Variants in HMGA2 observed in about 807,000 individuals in gnomAD.
The protein encoded by HMGA2 is high mobility group AT-hook 2.
In HMGA2, 8 loss-of-function variants were observed where a neutral mutation model predicts 19.1. That is an observed-to-expected ratio of 0.42 (90% CI 0.25 to 0.76). The LOEUF is 0.76. Among genes scored for constraint, HMGA2 ranks in the 30% least tolerant of loss-of-function variants. HMGA2 has a pLI of 0.28. For synonymous variants in HMGA2, 60 were observed against 48.8 expected, an observed-to-expected ratio of 1.23 and a Z score of -0.96; for missense variants, 109 against 136.3, an observed-to-expected ratio of 0.80 and a Z score of 1.00.
chr12:65,897,615 T>C (rs747361173), intron 3 of HMGA2, among the ~76,000 whole-genome samples: 1 of 152,176 alleles, frequency 6.6e-6, no homozygotes, highest in South Asian at 2.1e-4. Context: ...TCAAAAGGAA[T>C]GTTAGGTTAA....
rs1870070312 is a variant in HMGA2 at position 65,825,014 on chromosome 12, G to A, written c.-257G>A. The A allele has an allele frequency of 4.9e-5, 19 of 388,006 alleles. No homozygotes were observed. The highest frequency in any genetic ancestry group is 1.9e-4 in the South Asian group (4 of 20,584). The allele number at this position is 388,006 out of a possible 1,614,324, so 24.0% of individuals were successfully genotyped here. ...CCTCCACCTCCGGCACCCACCCACC[G>A]CCGCCGCCGCCACCGGCAGCGCCTC... On this transcript the variant is annotated 5_prime_UTR_variant, in exon 1 of 5. Coordinates refer to ENST00000403681, the MANE Select transcript of HMGA2 (RefSeq NM_003483.6). The surrounding 1 kb of genome is among the most constrained non-coding windows in gnomAD (Gnocchi z 4.4).
intron 3 of HMGA2, chr12:65,843,587 C>T (rs939508901): frequency 5.7e-6 from 1 of 174,964 alleles, no homozygotes; most frequent in African/African-American, 2.4e-5. Context: ...CATTGAAGAA[C>T]CCGGAAATCT....
At chr12:65,862,363 TCAGTAC>T (rs988749377) in intron 3 of HMGA2, among the ~76,000 whole-genome samples, 3 of 151,414 alleles carry the variant, frequency 2.0e-5, no homozygotes, top group Admixed American at 6.6e-5. Flanking sequence ...TGTCCCACAA[TCAGTAC>T]CACCACCACT....
chr12:65,888,922 T>G (rs1873788764), intron 3 of HMGA2, among the ~76,000 whole-genome samples: 1 of 151,926 alleles, frequency 6.6e-6, no homozygotes, highest in South Asian at 2.1e-4. Context: ...CACCCTCCCG[T>G]TAGAGATGCA....
intron 3 of HMGA2, among the ~76,000 whole-genome samples, chr12:65,902,103 G>A (rs1874396175): frequency 6.6e-6 from 1 of 152,078 alleles, no homozygotes; most frequent in Non-Finnish European, 1.5e-5. Context: ...AGGAGGACTT[G>A]GTTCCTGTTT....
Position 65,824,727 on chromosome 12 carries a change from CTCTCTCT to C in HMGA2, c.-543_-537del. ...ATCTCAATCTCTTCTCTCTCTCTCT[CTCTCTCT>C]CTCTCTCTCTCTCTCTCTCTCTCTC... On this transcript the variant is annotated 5_prime_UTR_variant, in exon 1 of 5. Coordinates refer to ENST00000403681, the MANE Select transcript of HMGA2 (RefSeq NM_003483.6). 5.8e-6 allele frequency: 1 copy of C among 172,362 alleles called. No homozygotes were observed. Among genetic ancestry groups the C allele is most frequent in the Non-Finnish European group, 1.1e-5 (1 of 88,308 alleles). 10.7% of individuals were successfully genotyped at this position (172,362 alleles called of 1,614,324 possible). A position where few individuals can be genotyped will look rare whatever the true frequency, so the allele number is the denominator to read the frequency against.
chr12:65,886,109 C>A (rs1460804051), intron 3 of HMGA2, among the ~76,000 whole-genome samples: 1 of 152,114 alleles, frequency 6.6e-6, no homozygotes, highest in Non-Finnish European at 1.5e-5. Context: ...CTAGGTTAAA[C>A]TGAATCAAGA....
At chr12:65,878,572 C>T (rs1001954346) in intron 3 of HMGA2, among the ~76,000 whole-genome samples, 1 of 152,164 alleles carries the variant, frequency 6.6e-6, no homozygotes, top group Non-Finnish European at 1.5e-5. Flanking sequence ...AGTTTCAACA[C>T]ATATCTGTTT....
intron 3 of HMGA2, among the ~76,000 whole-genome samples, chr12:65,850,506 G>A (rs1871414534): frequency 6.6e-6 from 1 of 151,640 alleles, no homozygotes; most frequent in African/African-American, 2.4e-5. Context: ...ACAGTATGAA[G>A]AGACCGAATT....
intron 2 of HMGA2, among the ~76,000 whole-genome samples, chr12:65,836,284 G>A (rs1215712700): frequency 6.6e-6 from 1 of 151,976 alleles, no homozygotes; most frequent in African/African-American, 2.4e-5. Flanking sequence ...GAGTGAACCC[G>A]GGAGGCGCAG....
chr12:65,955,219 T>C (rs1204701299), intron 4 of HMGA2: 1 of 152,140 alleles, frequency 6.6e-6, no homozygotes, highest in East Asian at 1.9e-4. Flanking sequence ...GCAGCTCGTT[T>C]TTTAGCAATT....
chr12:65,955,153 CCAGCCTGGGTGA>C (rs1876570414), intron 4 of HMGA2: 1 of 152,034 alleles, frequency 6.6e-6, no homozygotes, highest in Admixed American at 6.6e-5. Flanking sequence ...CCACTGCACC[CCAGCCTGGGTGA>C]CAGCGAGACT....
intron 3 of HMGA2, among the ~76,000 whole-genome samples, chr12:65,864,106 T>C (rs1872258536): frequency 6.6e-6 from 1 of 152,140 alleles, no homozygotes; most frequent in Admixed American, 6.5e-5. Context: ...GTGCTAGTAG[T>C]TGTTGATGAG....
At chr12:65,840,055 G>A (rs1870928811) in intron 3 of HMGA2, among the ~76,000 whole-genome samples, 1 of 152,030 alleles carries the variant, frequency 6.6e-6, no homozygotes, top group South Asian at 2.1e-4. Flanking sequence ...CCCCATAAAG[G>A]AACATTCTTG....
chr12:65,937,912 G>A lies in HMGA2; in HGVS notation c.250-13471G>A, dbSNP rs76463854. 1.3e-3 allele frequency among the ~76,000 whole-genome samples: 202 copies of A among 152,242 alleles called. 1 individual carries two copies. The highest frequency in any genetic ancestry group is 4.5e-3 in the African/African-American group (186 of 41,550). On this transcript the variant is annotated intron_variant, in intron 3 of 4. Coordinates refer to ENST00000403681, the MANE Select transcript of HMGA2 (RefSeq NM_003483.6). ...CACAGAGAATAGTAAAATGTGCAAA[G>A]CCAAACCAGTTGCTACTCTCTATCC... is the stretch of plus-strand genomic sequence containing the variant.
chr12:65,936,924 C>A (rs533893927), intron 3 of HMGA2, among the ~76,000 whole-genome samples: 1 of 152,208 alleles, frequency 6.6e-6, no homozygotes, highest in South Asian at 2.1e-4. Context: ...CTTCCTTTCC[C>A]TGTATGTGAA....
chr12:65,838,614 T>A lies in HMGA2; in HGVS notation c.249+45T>A, dbSNP rs888615966. ...TTTTCTTCTTTTTTTTAAAGAAAAA[T>A]TTCTGTTGTATTAAATGAGAAAAGT... On this transcript the variant is annotated intron_variant, in intron 3 of 4. Transcript: ENST00000403681. The A allele has an allele frequency of 2.2e-6, 3 of 1,387,054 alleles. No homozygotes were observed. The African/African-American group carries it at 4.4e-5, about 20-fold the overall frequency. 85.9% of individuals were successfully genotyped at this position (1,387,054 alleles called of 1,614,324 possible). A position where few individuals can be genotyped will look rare whatever the true frequency, so the allele number is the denominator to read the frequency against.
At chr12:65,833,075 C>A (rs994976740) in intron 2 of HMGA2, among the ~76,000 whole-genome samples, 4 of 151,976 alleles carry the variant, frequency 2.6e-5, no homozygotes, top group East Asian at 1.9e-4. Context: ...GCAGGAACTA[C>A]AATGGGTGAT....
At chr12:65,862,113 G>A (rs553480130) in intron 3 of HMGA2, among the ~76,000 whole-genome samples, 3 of 152,176 alleles carry the variant, frequency 2.0e-5, no homozygotes, top group Non-Finnish European at 2.9e-5. Flanking sequence ...CCAAAGTGCT[G>A]GGATTACAGG....
Sources: allele counts gnomAD v4.1 joint callset (sites outside exome capture counted in the v4.1 genomes callset), GRCh38; gene constraint gnomAD v4.1.1; non-coding constraint Gnocchi (gnomAD v3.1); transcripts MANE v1.5; gene names NCBI Gene and HGNC (gene_info 2026-07-23, HGNC 2026-07-21).